Variants in TADA2A observed in about 807,000 individuals in gnomAD.
TADA2A encodes the protein transcriptional adapter 2-alpha.
TADA2A carries 38 observed loss-of-function variants against 67.4 expected under a neutral mutation model. The ratio of observed to expected loss-of-function variants is 0.56; its 90% confidence interval spans 0.44 to 0.74. The LOEUF is 0.74. Ranked by LOEUF, TADA2A falls within the 30% of genes least tolerant of loss-of-function variation. The pLI, the probability that TADA2A is intolerant of heterozygous loss-of-function variation, is 0.00. For missense variants in TADA2A, 454 were observed against 547.0 expected (o/e 0.83, Z 1.70); for synonymous variants, 192 against 181.6 (o/e 1.06, Z -0.46).
intron 1 of TADA2A, among the ~76,000 whole-genome samples, chr17:37,410,418 C>T (rs1228361005): frequency 1.3e-5 from 2 of 151,352 alleles, no homozygotes; most frequent in Admixed American, 1.3e-4. Flanking sequence ...CCCAGTAATC[C>T]TCCCACGTCA....
intron 2 of TADA2A, among the ~76,000 whole-genome samples, chr17:37,418,923 G>T (rs2052142815): frequency 7.8e-6 from 1 of 128,840 alleles, no homozygotes; most frequent in Non-Finnish European, 1.8e-5. Context: ...TAGAAGCAGG[G>T]TCTTGCAGTA....
intron 2 of TADA2A, among the ~76,000 whole-genome samples, chr17:37,415,366 T>C (rs1482947334): frequency 6.6e-6 from 1 of 152,208 alleles, no homozygotes; most frequent in Admixed American, 6.5e-5. Context: ...AATACTTCAT[T>C]GTGTGGATAT....
At position 37,477,946 on chromosome 17, in the gene TADA2A, AG is replaced by A. The variant is rs1221434671; in HGVS notation, c.*965del. 1 of 151,792 alleles carries A rather than the reference AG, an allele frequency of 6.6e-6. No individual in the cohort carries two copies. Among genetic ancestry groups the A allele is most frequent in the African/African-American group, 2.4e-5 (1 of 41,378 alleles). The allele number at this position is 151,792 out of a possible 1,614,324, so 9.4% of individuals were successfully genotyped here. A position where few individuals can be genotyped will look rare whatever the true frequency, so the allele number is the denominator to read the frequency against. On this transcript the variant is annotated 3_prime_UTR_variant, in exon 16 of 16. Transcript: ENST00000615182. ...ACCAGCCTGACCAACATGGTGAAAC[AG>A]TCTCTACTAAAAATACAAAAATTAG...
rs575489185 is a variant in TADA2A at position 37,449,343 on chromosome 17, G to A, written c.604+4575G>A. On this transcript the variant is annotated intron_variant, in intron 8 of 15. Transcript: ENST00000615182. Reference sequence around the variant, plus strand: ...GCCTGATTTCACTGTTTTATACATAGGATATTTTAGACATGAATACTATCA... The same window carrying A: ...GCCTGATTTCACTGTTTTATACATAAGATATTTTAGACATGAATACTATCA... 3.3e-5 allele frequency among the ~76,000 whole-genome samples: 5 copies of A among 152,206 alleles called. No individual in the cohort carries two copies. The East Asian group carries it at 9.7e-4, about 29-fold the overall frequency.
intron 2 of TADA2A, among the ~76,000 whole-genome samples, chr17:37,412,405 T>A (rs911384907): frequency 1.3e-5 from 2 of 152,110 alleles, no homozygotes; most frequent in African/African-American, 4.8e-5. Context: ...ATGTGGAACT[T>A]GTTTCTAAGA....
chr17:37,468,923 C>T (rs541259180), intron 12 of TADA2A, among the ~76,000 whole-genome samples: 89 of 151,084 alleles, frequency 5.9e-4, no homozygotes, highest in Admixed American at 1.6e-3. Flanking sequence ...TTATTTGAGA[C>T]GGAGTCTGGC....
At position 37,444,766 on chromosome 17, in the gene TADA2A, A is replaced by T. The variant is rs142136696; in HGVS notation, c.602A>T (p.His201Leu). 10 of 1,613,708 alleles carry T rather than the reference A, an allele frequency of 6.2e-6. No homozygotes were observed. Among genetic ancestry groups the T allele is most frequent in the Non-Finnish European group, 7.6e-6 (9 of 1,179,750 alleles). Reference protein sequence around the residue: ...DFVEDDSDILHALKMAVVDIY... With the variant: ...DFVEDDSDILLALKMAVVDIY... ...GTTGAAGATGACTCGGACATTTTAC[A>T]TGGTAACAGTTTATTTTGTCAAATG... The change falls in exon 8 of 16, where the codon CAT (histidine) becomes CTT (leucine). Residue 201 changes from histidine (H) to leucine (L), a missense_variant and splice_region_variant. Coordinates refer to ENST00000615182, the MANE Select transcript of TADA2A (RefSeq NM_001166105.3).
rs748823884 is a variant in TADA2A, at chr17:37,426,989, G to A, written c.172G>A (p.Asp58Asn). 2 of 1,590,408 alleles carry A rather than the reference G, an allele frequency of 1.3e-6. No individual in the cohort carries two copies. Among genetic ancestry groups the A allele is most frequent in the Non-Finnish European group, 8.5e-7 (1 of 1,170,520 alleles). Reference sequence around the variant, plus strand: ...CTTTGAGTACAAGAAACATCAAAGCGATCATACTTATGAAATAATGGTAAT... The same window carrying A: ...CTTTGAGTACAAGAAACATCAAAGCAATCATACTTATGAAATAATGGTAAT... ...RGFEYKKHQS[D>N]HTYEIMTSDF... The change falls in exon 4 of 16, where the codon GAT (aspartate) becomes AAT (asparagine). Residue 58 changes from aspartate to asparagine, a missense_variant. Asp to Asn is a conservative substitution (Grantham distance 23). This residue lies in a region of TADA2A where 403 missense variants were observed against 455.5 expected (regional missense o/e 0.88). Transcript: ENST00000615182.
At chr17:37,431,207 G>A (rs192850689) in intron 4 of TADA2A, among the ~76,000 whole-genome samples, 4 of 152,214 alleles carry the variant, frequency 2.6e-5, no homozygotes, top group South Asian at 2.1e-4. Flanking sequence ...CTATTGCTAT[G>A]TAACAGCTAC....
chr17:37,414,473 T>G (rs887852976), intron 2 of TADA2A, among the ~76,000 whole-genome samples: 1 of 152,182 alleles, frequency 6.6e-6, no homozygotes, highest in Non-Finnish European at 1.5e-5. Flanking sequence ...CTGGTACTTT[T>G]ACAAGGGAGT....
intron 3 of TADA2A, among the ~76,000 whole-genome samples, chr17:37,425,784 G>A (rs1402056290): frequency 6.6e-6 from 1 of 151,172 alleles, no homozygotes; most frequent in Non-Finnish European, 1.5e-5. Flanking sequence ...AAGTATCTGG[G>A]ACTACATGCT....
At chr17:37,424,550 T>A (rs2147928926) in intron 3 of TADA2A, among the ~76,000 whole-genome samples, 1 of 152,018 alleles carries the variant, frequency 6.6e-6, no homozygotes, top group Non-Finnish European at 1.5e-5. Flanking sequence ...TAACACTGTT[T>A]TTTTTGTTGT....
chr17:37,460,503 C>G (rs2053522792), intron 9 of TADA2A, among the ~76,000 whole-genome samples: 1 of 152,174 alleles, frequency 6.6e-6, no homozygotes, highest in African/African-American at 2.4e-5. Context: ...CCTCAGCCTC[C>G]CAAAGTGCTG....
intron 4 of TADA2A, among the ~76,000 whole-genome samples, chr17:37,429,236 G>A (rs2052501355): frequency 6.6e-6 from 1 of 151,750 alleles, no homozygotes; most frequent in African/African-American, 2.4e-5. Context: ...CACCACAGCA[G>A]GCACCTCAAC....
intron 12 of TADA2A, 32 bp from the exon 13 acceptor site, chr17:37,470,368 C>T: frequency 6.2e-7 from 1 of 1,612,800 alleles, no homozygotes; most frequent in South Asian, 1.1e-5. Flanking sequence ...GCTGCATTGT[C>T]ATTGTGGTCA....
Position 37,463,358 on chromosome 17 carries a change from C to T in TADA2A, c.712+1237C>T, listed in dbSNP as rs114127564. On this transcript the variant is annotated intron_variant, in intron 10 of 15. Transcript: ENST00000615182. ...TAACCTAATGGTTATTGTAAAACATCCCAGTTGATAGATTCTTGTAGGGGT... is the reference window on the plus strand; with the variant it reads ...TAACCTAATGGTTATTGTAAAACATTCCAGTTGATAGATTCTTGTAGGGGT... 5.5e-3 allele frequency among the ~76,000 whole-genome samples: 832 copies of T among 151,952 alleles called. 9 individuals carry two copies. Among genetic ancestry groups the T allele is most frequent in the African/African-American group, 0.019 (805 of 41,440 alleles).
chr17:37,433,771 G>A (rs947522400), intron 4 of TADA2A, among the ~76,000 whole-genome samples: 4 of 152,078 alleles, frequency 2.6e-5, no homozygotes, highest in Admixed American at 2.0e-4. Context: ...TGGCCAACAT[G>A]GTGAAACCCT....
intron 7 of TADA2A, among the ~76,000 whole-genome samples, chr17:37,444,279 T>C (rs915522677): frequency 7.5e-6 from 1 of 133,748 alleles, no homozygotes; most frequent in African/African-American, 2.8e-5. Flanking sequence ...AAAAAAAGAA[T>C]GAATTGACTT....
chr17:37,411,300 C>T lies in TADA2A; in HGVS notation c.-66C>T, dbSNP rs1420241750. 36 of 1,530,898 alleles carry T rather than the reference C, an allele frequency of 2.4e-5. No homozygotes were observed. The Middle Eastern group carries it at 6.8e-4, about 29-fold the overall frequency. The allele number at this position is 1,530,898 out of a possible 1,614,324, so 94.8% of individuals were successfully genotyped here. ...ATCAAGCTTTGGTGTATGTGTTGGC[C>T]GGTTCTGAAGTCTTGAAGAAGCTCT... On this transcript the variant is annotated 5_prime_UTR_variant, in exon 2 of 16. Transcript: ENST00000615182.
Sources: gnomAD v4.1 joint callset for allele counts (sites outside exome capture counted in the v4.1 genomes callset) on GRCh38, gnomAD v4.1.1 for gene constraint, gnomAD v4.1.1 regional missense constraint, MANE v1.5 for transcripts, NCBI Gene and HGNC (gene_info 2026-07-23, HGNC 2026-07-21) for gene names.